The following AHDC1 variants were observed in gnomAD, a reference collection of about 807,000 sequenced individuals.
AHDC1 encodes transcription factor Gibbin.
In AHDC1, 7 loss-of-function variants were observed where a neutral mutation model predicts 87.9. That is an observed-to-expected ratio of 0.08 (90% CI 0.05 to 0.15). AHDC1 has a LOEUF of 0.15. Ranked by LOEUF, AHDC1 falls within the 10% of genes least tolerant of loss-of-function variation. The probability of loss-of-function intolerance (pLI) is 1.00; values close to 1 mark genes in which losing one functional copy is unlikely to be tolerated. For synonymous variants in AHDC1, 1,051 were observed against 1,006.8 expected (o/e 1.04, Z -0.83); for missense variants, 1,841 against 2,253.2 (o/e 0.82, Z 3.70).
chr1:27,572,086 TG>T (rs1282449708), intron 3 of AHDC1, among the ~76,000 whole-genome samples: 1 of 132,900 alleles, frequency 7.5e-6, no homozygotes, highest in African/African-American at 2.9e-5. Context: ...CTGACAGGGG[TG>T]GGGGAGAAAA....
chr1:27,601,916 G>A (rs2089538657), intron 3 of AHDC1, among the ~76,000 whole-genome samples: 1 of 152,214 alleles, frequency 6.6e-6, no homozygotes, highest in Admixed American at 6.5e-5. Context: ...CGGAGGCAAA[G>A]CTTGTCCTCA....
intron 3 of AHDC1, among the ~76,000 whole-genome samples, chr1:27,569,830 C>T (rs927447321): frequency 1.1e-4 from 16 of 152,046 alleles, no homozygotes; most frequent in Non-Finnish European, 2.1e-4. Flanking sequence ...TGGACCCTCC[C>T]CTAGCCCCAA....
intron 3 of AHDC1, among the ~76,000 whole-genome samples, chr1:27,592,427 G>A (rs1315268604): frequency 6.6e-6 from 1 of 152,200 alleles, no homozygotes; most frequent in Non-Finnish European, 1.5e-5. Flanking sequence ...ATCTGGGTGG[G>A]GGACAGGAGA....
chr1:27,568,786 G>C (rs1033876490), intron 3 of AHDC1, among the ~76,000 whole-genome samples: 4 of 151,934 alleles, frequency 2.6e-5, no homozygotes, highest in Non-Finnish European at 4.4e-5. Context: ...GGGCCGGGGC[G>C]CTCTTCGTGG....
Position 27,549,301 on chromosome 1 carries a change from G to T in AHDC1, c.2815C>A (p.Arg939=). The change falls in exon 8 of 9, where the codon CGG becomes AGG. Residue 939 remains arginine (R), a synonymous_variant. Transcript: ENST00000673934. ...YGLTPAASDC[R]AAETFPKLVP... ...AGCTTGGGGAAGGTCTCGGCTGCCC[G>T]GCAGTCTGAAGCGGCTGGAGTTAGC... The T allele has an allele frequency of 6.2e-7, 1 of 1,605,898 alleles. No homozygotes were observed. Among genetic ancestry groups the T allele is most frequent in the Admixed American group, 1.7e-5 (1 of 59,734 alleles).
At chr1:27,586,923 G>A (rs964166585) in intron 3 of AHDC1, among the ~76,000 whole-genome samples, 1 of 152,182 alleles carries the variant, frequency 6.6e-6, no homozygotes, top group Non-Finnish European at 1.5e-5. Flanking sequence ...TCTGGGGCTT[G>A]GAGTCAGGTC....
intron 3 of AHDC1, chr1:27,567,970 G>GA (rs1276606339): frequency 6.6e-6 from 1 of 152,254 alleles, no homozygotes; most frequent in African/African-American, 2.4e-5. Flanking sequence ...TCACACACCT[G>GA]AACCAAAGGC....
intron 3 of AHDC1, among the ~76,000 whole-genome samples, chr1:27,570,895 C>T (rs1348851999): frequency 6.6e-6 from 1 of 152,098 alleles, no homozygotes; most frequent in Admixed American, 6.5e-5. Context: ...GCCCCTCTGC[C>T]TCAAGCCCCA....
chr1:27,538,050 G>C (rs2018725070), intron 8 of AHDC1, among the ~76,000 whole-genome samples: 1 of 152,176 alleles, frequency 6.6e-6, no homozygotes, highest in African/African-American at 2.4e-5. Context: ...CTACTCTCTA[G>C]TCTCTACTCT....
rs1350089559 is a variant in AHDC1 at position 27,593,427 on chromosome 1, T to C, written c.-629+9970A>G. ...CCGCCACCACTACCCCCAGGCAGGC[T>C]GGGACCCAGGTCCCTGGTGTCCATG... On this transcript the variant is annotated intron_variant, in intron 3 of 8. Coordinates refer to ENST00000673934, the MANE Select transcript of AHDC1 (RefSeq NM_001371928.1). The surrounding 1 kb of genome is among the most constrained non-coding windows in gnomAD (Gnocchi z 4.9). 6.6e-6 allele frequency among the ~76,000 whole-genome samples: 1 copy of C among 152,186 alleles called. No individual in the cohort carries two copies. Among genetic ancestry groups the C allele is most frequent in the Non-Finnish European group, 1.5e-5 (1 of 68,034 alleles).
chr1:27,540,012 G>T (rs1302901453), intron 8 of AHDC1, among the ~76,000 whole-genome samples: 1 of 152,012 alleles, frequency 6.6e-6, no homozygotes, highest in Non-Finnish European at 1.5e-5. Context: ...AGCTGGAGAT[G>T]CCATATGTAA....
At chr1:27,568,720 G>A (rs1353222430) in intron 3 of AHDC1, among the ~76,000 whole-genome samples, 1 of 151,810 alleles carries the variant, frequency 6.6e-6, no homozygotes, top group Non-Finnish European at 1.5e-5. Flanking sequence ...GGGTGCCCGG[G>A]AGGGGGCGCT....
Position 27,551,002 on chromosome 1 carries a change from C to T in AHDC1, c.1114G>A (p.Gly372Ser), listed in dbSNP as rs771075902. 3.5e-5 allele frequency: 55 copies of T among 1,572,478 alleles called. No homozygotes were observed. The highest frequency in any genetic ancestry group is 4.2e-5 in the Non-Finnish European group (49 of 1,166,126). ...GGGTGACCCTCAGGCCCGGGGGGGC[C>T]GTGCGGTGAGCACAAGTCCAGGCGC... The part of the protein sequence containing the change: ...PLRLDLCSPH[G>S]PPGPEGHPKY... Residue 372 changes from glycine to serine, a missense_variant, in exon 8 of 9, where the codon GGC becomes AGC. Physicochemically the swap from Gly to Ser is moderately conservative, Grantham distance 56 (BLOSUM62 0). Transcript: ENST00000673934.
In AHDC1 at chr1:27,558,797, GCCC is replaced by G. The variant is rs2019939815; in HGVS notation, c.-545_-543del. The G allele has an allele frequency of 5.0e-6, 2 of 398,618 alleles. No individual in the cohort carries two copies. The highest frequency in any genetic ancestry group is 2.5e-4 in the South Asian group (2 of 7,860). The allele number at this position is 398,618 out of a possible 1,614,324, so 24.7% of individuals were successfully genotyped here. A position where few individuals can be genotyped will look rare whatever the true frequency, so the allele number is the denominator to read the frequency against. On this transcript the variant is annotated 5_prime_UTR_variant, in exon 4 of 9. Coordinates refer to ENST00000673934, the MANE Select transcript of AHDC1 (RefSeq NM_001371928.1). This position sits in a 1 kb window ranked among gnomAD's most constrained non-coding sequence, Gnocchi z 5.6. ...TGGTCTCTGCAACGGCCTGAGCGTC[GCCC>G]CGCACTCGGGGCCCTCTGCACACGC...
intron 3 of AHDC1, among the ~76,000 whole-genome samples, chr1:27,597,455 C>T (rs915065436): frequency 2.6e-5 from 4 of 152,026 alleles, no homozygotes; most frequent in African/African-American, 9.7e-5. Flanking sequence ...AGGGGCATCC[C>T]CCGGGTGAAT....
chr1:27,582,597 T>G (rs766836785), intron 3 of AHDC1, among the ~76,000 whole-genome samples: 1 of 152,226 alleles, frequency 6.6e-6, no homozygotes, highest in Non-Finnish European at 1.5e-5. Context: ...GTAAGCTCCT[T>G]GAGGGCAGGG....
intron 3 of AHDC1, among the ~76,000 whole-genome samples, chr1:27,572,927 A>G (rs779475340): frequency 1.3e-5 from 2 of 152,190 alleles, no homozygotes; most frequent in Non-Finnish European, 2.9e-5. Context: ...TGACACACAC[A>G]TTCCCTTCCC....
rs143409425 is a variant in AHDC1, at chr1:27,539,963, ATCTC to A, written c.*44-5051_*44-5048del. ...GGAGGAGGCTAGCCTCACCTCCTCC[ATCTC>A]TCTCTCTCTCTCTCTCCCCCACTCT... On this transcript the variant is annotated intron_variant, in intron 8 of 8. Transcript: ENST00000673934. 6.8e-5 allele frequency among the ~76,000 whole-genome samples: 10 copies of A among 147,914 alleles called. No homozygotes were observed. The East Asian group carries it at 9.9e-4, about 15-fold the overall frequency.
chr1:27,556,290 G>T (rs1012861992), intron 5 of AHDC1, among the ~76,000 whole-genome samples: 14 of 140,038 alleles, frequency 1.0e-4, no homozygotes, highest in Admixed American at 8.9e-4. Flanking sequence ...TCTCACTTCC[G>T]GCCTCATGAC....
Sources: allele counts gnomAD v4.1 joint callset (sites outside exome capture counted in the v4.1 genomes callset), GRCh38; gene constraint gnomAD v4.1.1; non-coding constraint Gnocchi (gnomAD v3.1); transcripts MANE v1.5; gene names NCBI Gene and HGNC (gene_info 2026-07-23, HGNC 2026-07-21).